The following SPAG16 variants were observed in gnomAD, a reference collection of about 807,000 sequenced individuals.
SPAG16 encodes the protein sperm associated antigen 16, also known as sperm-associated antigen 16 protein.
A neutral mutation model predicts 80.4 loss-of-function variants in SPAG16; 86 were observed. The ratio of observed to expected loss-of-function variants is 1.07; its 90% CI spans 0.90 to 1.28. The LOEUF is 1.28. Among genes scored for constraint, SPAG16 ranks in the 50% most tolerant of loss-of-function variants. SPAG16 has a pLI of 0.00. For missense variants in SPAG16, 870 were observed against 765.3 expected (o/e 1.14, Z -1.61); for synonymous variants, 294 against 265.9 (o/e 1.11, Z -1.03).
At chr2:214,322,541 G>A (rs1333557602) in intron 15 of SPAG16, among the ~76,000 whole-genome samples, 3 of 146,118 alleles carry the variant, frequency 2.1e-5, no homozygotes, top group Non-Finnish European at 3.0e-5. Context: ...AAAATTGAAA[G>A]CAAAATGTAT....
At chr2:214,407,807 C>T (rs960005510) in intron 15 of SPAG16, among the ~76,000 whole-genome samples, 1 of 151,380 alleles carries the variant, frequency 6.6e-6, no homozygotes, top group African/African-American at 2.4e-5. Flanking sequence ...CATTTTCTAA[C>T]TTAGAAAGAG....
intron 10 of SPAG16, among the ~76,000 whole-genome samples, chr2:213,569,920 A>T (rs1351581441): frequency 7.1e-5 from 9 of 127,402 alleles, no homozygotes; most frequent in Non-Finnish European, 1.3e-4. Flanking sequence ...AGAGCCTGTT[A>T]TTGGTCTATT....
chr2:214,027,807 G>A (rs1280153423), intron 13 of SPAG16, among the ~76,000 whole-genome samples: 2 of 151,650 alleles, frequency 1.3e-5, no homozygotes, highest in Non-Finnish European at 3.0e-5. Context: ...ACAGGATTTT[G>A]GACAGTCTTT....
At chr2:213,897,389 G>A (rs2077037301) in intron 11 of SPAG16, among the ~76,000 whole-genome samples, 1 of 152,068 alleles carries the variant, frequency 6.6e-6, no homozygotes, top group Non-Finnish European at 1.5e-5. Flanking sequence ...TGCTTATTGT[G>A]CAGACTGGGT....
At chr2:213,967,902 TA>T (rs2044789468) in intron 12 of SPAG16, among the ~76,000 whole-genome samples, 1 of 152,166 alleles carries the variant, frequency 6.6e-6, no homozygotes, top group South Asian at 2.1e-4. Flanking sequence ...TGCTGGTTTA[TA>T]GGGATTGTGC....
intron 11 of SPAG16, among the ~76,000 whole-genome samples, chr2:213,902,918 G>A (rs1422829127): frequency 6.6e-6 from 1 of 152,126 alleles, no homozygotes; most frequent in Admixed American, 6.6e-5. Flanking sequence ...TGGTTATTGG[G>A]CCCATGCCAG....
At chr2:213,586,812 TGAA>T (rs2060491143) in intron 10 of SPAG16, among the ~76,000 whole-genome samples, 1 of 152,188 alleles carries the variant, frequency 6.6e-6, no homozygotes, top group African/African-American at 2.4e-5. Flanking sequence ...GGAGAAACAT[TGAA>T]GAAGAACTGG....
chr2:214,055,689 T>G (rs2125151433), intron 13 of SPAG16, among the ~76,000 whole-genome samples: 1 of 152,244 alleles, frequency 6.6e-6, no homozygotes, highest in Non-Finnish European at 1.5e-5. Flanking sequence ...GGTGGCTGAG[T>G]GCCAACAGTA....
At chr2:213,697,496 T>A (rs1465864363) in intron 10 of SPAG16, among the ~76,000 whole-genome samples, 1 of 152,158 alleles carries the variant, frequency 6.6e-6, no homozygotes, top group East Asian at 1.9e-4. Context: ...AAAAGAGACT[T>A]TGCAGATGTG....
At chr2:213,396,689 C>CT (rs754696226) in intron 9 of SPAG16, 1 of 454,774 alleles carries the variant, frequency 2.2e-6, no homozygotes, top group South Asian at 1.6e-5. Flanking sequence ...AGCACATCGA[C>CT]TAAGACTGCC....
chr2:213,851,011 A>C (rs2074876371), intron 10 of SPAG16, among the ~76,000 whole-genome samples: 1 of 152,110 alleles, frequency 6.6e-6, no homozygotes, highest in South Asian at 2.1e-4. Flanking sequence ...AGTTAGCTAA[A>C]ATTTGACTTT....
intron 12 of SPAG16, among the ~76,000 whole-genome samples, chr2:213,999,542 G>T (rs1453073693): frequency 5.3e-5 from 8 of 152,224 alleles, no homozygotes; most frequent in Admixed American, 5.2e-4. Flanking sequence ...TGTGTGGCTG[G>T]AGCCCCCATA....
intron 5 of SPAG16, among the ~76,000 whole-genome samples, chr2:213,322,309 T>C (rs1243515253): frequency 2.8e-5 from 4 of 142,986 alleles, no homozygotes; most frequent in African/African-American, 1.0e-4. Context: ...GCATTTTATG[T>C]CTTCTTTCCA....
intron 15 of SPAG16, among the ~76,000 whole-genome samples, chr2:214,169,139 G>C (rs76774218): frequency 2.0e-5 from 3 of 151,910 alleles, no homozygotes; most frequent in Non-Finnish European, 2.9e-5. Context: ...GTTATATCAC[G>C]TAACTCATAA....
chr2:214,148,290 C>T (rs2055762345), intron 14 of SPAG16, among the ~76,000 whole-genome samples: 1 of 152,080 alleles, frequency 6.6e-6, no homozygotes, highest in African/African-American at 2.4e-5. Flanking sequence ...TAAACATTTC[C>T]TGAGAGACCA....
intron 10 of SPAG16, among the ~76,000 whole-genome samples, chr2:213,853,107 T>A (rs968546882): frequency 6.6e-6 from 1 of 152,244 alleles, no homozygotes; most frequent in Non-Finnish European, 1.5e-5. Flanking sequence ...TTCCACCCAC[T>A]GTGCATCTTC....
intron 15 of SPAG16, among the ~76,000 whole-genome samples, chr2:214,366,461 C>G (rs529056115): frequency 6.6e-6 from 1 of 152,046 alleles, no homozygotes; most frequent in African/African-American, 2.4e-5. Flanking sequence ...TCTTAGAGAA[C>G]GATTACTCAA....
At chr2:213,557,205 T>C (rs1041951303) in intron 10 of SPAG16, among the ~76,000 whole-genome samples, 3 of 152,282 alleles carry the variant, frequency 2.0e-5, no homozygotes, top group Admixed American at 6.5e-5. Flanking sequence ...AATGGCTATC[T>C]CTATAATAAT....
At chr2:213,828,696 T>C (rs1582837) in intron 10 of SPAG16, among the ~76,000 whole-genome samples, 143,082 of 152,234 alleles carry the variant, frequency 0.94, 67,891 homozygotes, top group East Asian at 1. Context: ...GAAGAGGCTT[T>C]GGTGTTTTGG....
Sources: gnomAD v4.1 joint callset for allele counts (sites outside exome capture counted in the v4.1 genomes callset) on GRCh38, gnomAD v4.1.1 for gene constraint, MANE v1.5 for transcripts, NCBI Gene and HGNC (gene_info 2026-07-23, HGNC 2026-07-21) for gene names.